Variants in ANKRD44 observed in about 807,000 individuals in gnomAD.
The protein encoded by ANKRD44 is serine/threonine-protein phosphatase 6 regulatory ankyrin repeat subunit B.
In ANKRD44, 35 loss-of-function variants were observed where a neutral mutation model predicts 116.0. That is an observed-to-expected ratio of 0.30 (90% CI 0.23 to 0.40). The LOEUF (loss-of-function observed/expected upper bound fraction) is 0.40, where lower values mean the gene tolerates loss of function less well. ANKRD44 is among the 10% of genes least tolerant of loss of function. The probability of loss-of-function intolerance (pLI) is 1.00; values close to 1 mark genes in which losing one functional copy is unlikely to be tolerated. For synonymous variants in ANKRD44, 435 were observed against 461.8 expected (o/e 0.94, Z 0.74); for missense variants, 1,014 against 1,242.6 (o/e 0.82, Z 2.77).
At chr2:197,292,267 T>C (rs2083592473) in intron 1 of ANKRD44, among the ~76,000 whole-genome samples, 1 of 152,332 alleles carries the variant, frequency 6.6e-6, no homozygotes, top group Middle Eastern at 3.4e-3. Flanking sequence ...TCCACAATGG[T>C]TGAACTAACT....
chr2:197,167,638 GT>G (rs2080129579), intron 2 of ANKRD44, among the ~76,000 whole-genome samples: 1 of 152,186 alleles, frequency 6.6e-6, no homozygotes, highest in African/African-American at 2.4e-5. Context: ...TCCAGGTGAT[GT>G]TTTTAAATAG....
chr2:197,191,960 GA>G lies in ANKRD44; in HGVS notation c.28-4855del, dbSNP rs1163973703. On this transcript the variant is annotated intron_variant, in intron 1 of 27. Coordinates refer to ENST00000282272, the MANE Select transcript of ANKRD44 (RefSeq NM_001195144.2). ...AATTCAATTATTATGTCAATTCCAT[GA>G]AAAAAATATGCTACTGATGTCATCA... Among the ~76,000 whole-genome samples, 3 of 152,116 alleles carry G rather than the reference GA, an allele frequency of 2.0e-5. No individual in the cohort carries two copies. The East Asian group carries it at 5.8e-4, about 29-fold the overall frequency.
rs2076336090 is a variant in ANKRD44, at chr2:197,013,595, C to T, written c.1840G>A (p.Glu614Lys). ...TGATTGATAAGCGCTTCCACACATT[C>T]TGTGTGTCCTTTAAAGGCAGCCAGA... is the stretch of plus-strand genomic sequence containing the variant. ...LDLAAFKGHT[E>K]CVEALINQGA... The change falls in exon 18 of 28, where the codon GAA (glutamate) becomes AAA (lysine). Residue 614 changes from glutamate to lysine, a missense_variant. Coordinates refer to ENST00000282272, the MANE Select transcript of ANKRD44 (RefSeq NM_001195144.2). 1 of 1,614,212 alleles carries T rather than the reference C, an allele frequency of 6.2e-7. No individual in the cohort carries two copies. The highest frequency in any genetic ancestry group is 8.5e-7 in the Non-Finnish European group (1 of 1,180,044).
intron 22 of ANKRD44, among the ~76,000 whole-genome samples, chr2:197,001,387 T>C (rs1199553963): frequency 6.6e-6 from 1 of 152,226 alleles, no homozygotes; most frequent in Admixed American, 6.5e-5. Context: ...GTTGTCCCAG[T>C]GTGAAATGCC....
intron 17 of ANKRD44, among the ~76,000 whole-genome samples, chr2:197,018,638 T>C (rs916306583): frequency 1.3e-5 from 2 of 152,226 alleles, no homozygotes; most frequent in African/African-American, 4.8e-5. Context: ...TATCTATTGA[T>C]TTGCTTATTG....
In ANKRD44 at chr2:197,005,816, T is replaced by C; in HGVS notation, c.2225A>G (p.Tyr742Cys). The C allele has an allele frequency of 6.8e-6, 11 of 1,614,282 alleles. No individual in the cohort carries two copies. Among genetic ancestry groups the C allele is most frequent in the Non-Finnish European group, 9.3e-6 (11 of 1,180,050 alleles). Residue 742 changes from tyrosine (Y) to cysteine (C), a missense_variant, in exon 21 of 28, where the codon TAT becomes TGT. By Grantham distance (194) the Tyr-to-Cys change is radical. Transcript: ENST00000282272. ...CGTGGCGTGGCCACGAGCAGCTGCATAGTGCAAGGGCGTCCTCCCTCTGGA... is the reference window on the plus strand; with the variant it reads ...CGTGGCGTGGCCACGAGCAGCTGCACAGTGCAAGGGCGTCCTCCCTCTGGA... ...KDSRGRTPLH[Y>C]AAARGHATWL...
rs1191252781 is a variant in ANKRD44, at chr2:197,086,668, C to T, written c.1316+12G>A. The T allele has an allele frequency of 6.2e-7, 1 of 1,613,336 alleles. No individual in the cohort carries two copies. The highest frequency in any genetic ancestry group is 2.2e-5 in the East Asian group (1 of 44,862). On this transcript the variant is annotated intron_variant, in intron 13 of 27. Transcript: ENST00000282272. ...ATTTAAGCACTTGAAGCACAACTCT[C>T]TGATTACATACCTCCCACACTTGTC...
rs184288862 is a variant in ANKRD44, at chr2:197,051,773, C to T, written c.1651-26506G>A. On this transcript the variant is annotated intron_variant, in intron 16 of 27. Coordinates refer to ENST00000282272, the MANE Select transcript of ANKRD44 (RefSeq NM_001195144.2). ...GATTCTCAACCAGGGCATTGTAACC[C>T]CTAGGGGACATTTGGCAGTGTCTGG... is the stretch of plus-strand genomic sequence containing the variant. Among the ~76,000 whole-genome samples the T allele has an allele frequency of 3.1e-3, 467 of 152,110 alleles. 2 individuals carry two copies. Among genetic ancestry groups the T allele is most frequent in the African/African-American group, 0.011 (439 of 41,488 alleles).
downstream of ANKRD44, among the ~76,000 whole-genome samples, chr2:196,981,984 T>C (rs2075803999): frequency 6.6e-6 from 1 of 151,238 alleles, no homozygotes; most frequent in Non-Finnish European, 1.5e-5. Context: ...TTATGTCTTG[T>C]CTTCGCTGCT....
intron 1 of ANKRD44, among the ~76,000 whole-genome samples, chr2:197,294,864 T>C (rs1402224758): frequency 6.6e-6 from 1 of 152,178 alleles, no homozygotes; most frequent in East Asian, 1.9e-4. Flanking sequence ...TTTGCTCTCA[T>C]ATATAAGAAG....
rs570952724 is a variant in ANKRD44 at position 197,083,279 on chromosome 2, C to A, written c.1457+90G>T. 1,415 of 1,470,868 alleles carry A rather than the reference C, an allele frequency of 9.6e-4. No homozygotes were observed. Among genetic ancestry groups the A allele is most frequent in the Non-Finnish European group, 1.1e-3 (1,255 of 1,102,868 alleles). The allele number at this position is 1,470,868 out of a possible 1,614,324, so 91.1% of individuals were successfully genotyped here. ...CTTTTGGGTTAGTCTAACTCTTTTT[C>A]CATGAGGCGGTATGAAGAAAACTTA... On this transcript the variant is annotated intron_variant, in intron 14 of 27. Transcript: ENST00000282272.
At chr2:197,008,891 G>C (rs867639300) in intron 19 of ANKRD44, 53 bp downstream of exon 19, 2 of 1,512,772 alleles carry the variant, frequency 1.3e-6, no homozygotes, top group African/African-American at 1.4e-5. Flanking sequence ...AAACCAACCA[G>C]GTAGCTGCTG....
At chr2:197,047,963 C>T (rs1034478399) in intron 16 of ANKRD44, among the ~76,000 whole-genome samples, 2 of 151,714 alleles carry the variant, frequency 1.3e-5, no homozygotes, top group Non-Finnish European at 2.9e-5. Context: ...TAACAAATGC[C>T]CTCTGGAACT....
intron 1 of ANKRD44, among the ~76,000 whole-genome samples, chr2:197,242,612 C>T (rs545936224): frequency 8.4e-4 from 128 of 152,334 alleles, no homozygotes; most frequent in Non-Finnish European, 8.4e-4. Context: ...CATCTTCTAA[C>T]CTTACCAGGC....
intron 16 of ANKRD44, among the ~76,000 whole-genome samples, chr2:197,034,124 C>T (rs2076764361): frequency 6.8e-6 from 1 of 146,936 alleles, no homozygotes; most frequent in Non-Finnish European, 1.5e-5. Context: ...CGTAATTCAG[C>T]TTGTGGTCTG....
intron 2 of ANKRD44, among the ~76,000 whole-genome samples, chr2:197,148,365 AACTTCTATTG>A (rs1442260119): frequency 3.9e-5 from 6 of 152,166 alleles, no homozygotes; most frequent in African/African-American, 1.4e-4. Context: ...TTCTTCCACT[AACTTCTATTG>A]ACTCCTCCAT....
chr2:197,010,808 G>T (rs2125917188), intron 18 of ANKRD44, among the ~76,000 whole-genome samples: 1 of 152,330 alleles, frequency 6.6e-6, no homozygotes, highest in East Asian at 1.9e-4. Flanking sequence ...ACGCCGCTAT[G>T]TGAGGTTGAT....
intron 16 of ANKRD44, among the ~76,000 whole-genome samples, chr2:197,061,368 C>G (rs1347575263): frequency 6.6e-6 from 1 of 152,228 alleles, no homozygotes; most frequent in African/African-American, 2.4e-5. Flanking sequence ...AGACCCCATA[C>G]CCGGGCAGTG....
chr2:197,177,069 A>G (rs1300243036), intron 2 of ANKRD44, among the ~76,000 whole-genome samples: 2 of 152,172 alleles, frequency 1.3e-5, no homozygotes, highest in Admixed American at 6.5e-5. Flanking sequence ...TCTAAAATAT[A>G]CTTTATATCC....
Sources: gnomAD v4.1 joint callset for allele counts (sites outside exome capture counted in the v4.1 genomes callset) on GRCh38, gnomAD v4.1.1 for gene constraint, MANE v1.5 for transcripts, NCBI Gene and HGNC (gene_info 2026-07-23, HGNC 2026-07-21) for gene names.